PCDHGA3: variants seen among roughly 807,000 people sequenced by gnomAD.
PCDHGA3 encodes protocadherin gamma subfamily A, 3.
A neutral mutation model predicts 58.5 loss-of-function variants in PCDHGA3; 40 were observed. The ratio of observed to expected loss-of-function variants is 0.68; its 90% confidence interval spans 0.53 to 0.89. PCDHGA3 has a LOEUF of 0.89. PCDHGA3 is among the 40% of genes least tolerant of loss of function. The pLI is 0.00. For synonymous variants in PCDHGA3, 530 were observed against 525.7 expected (o/e 1.01, Z -0.11); for missense variants, 1,223 against 1,195.9 (o/e 1.02, Z -0.33).
rs150692324 is a variant in PCDHGA3 at position 141,431,149 on chromosome 5, G to T, written c.2425-63658G>T. 1.2e-6 allele frequency: 2 copies of T among 1,614,210 alleles called. No homozygotes were observed. Among genetic ancestry groups the T allele is most frequent in the Non-Finnish European group, 1.7e-6 (2 of 1,180,020 alleles). ...AAGTAAGGGACATTAACGACAATGC[G>T]CCTTACTTTCGTGAAAGTGAATTAG... On this transcript the variant is annotated intron_variant, in intron 1 of 3. Coordinates refer to ENST00000253812, the MANE Select transcript of PCDHGA3 (RefSeq NM_018916.4). This position sits in a 1 kb window ranked among gnomAD's most constrained non-coding sequence, Gnocchi z 4.8.
intron 2 of PCDHGA3, among the ~76,000 whole-genome samples, chr5:141,499,573 A>AT (rs2099792803): frequency 1.3e-5 from 2 of 152,108 alleles, no homozygotes; most frequent in Non-Finnish European, 2.9e-5. Context: ...AGCTTCAACT[A>AT]ATGCCTTATC....
intron 1 of PCDHGA3, chr5:141,374,129 C>A: frequency 6.2e-7 from 1 of 1,603,566 alleles, no homozygotes; most frequent in South Asian, 1.1e-5. Flanking sequence ...GCAGGTCCTG[C>A]TCCTCACGCT....
chr5:141,394,466 C>G lies in PCDHGA3; in HGVS notation c.2424+48009C>G, dbSNP rs765078363. 3.7e-6 allele frequency: 6 copies of G among 1,614,222 alleles called. 1 individual carries two copies. Among genetic ancestry groups the G allele is most frequent in the East Asian group, 4.5e-5 (2 of 44,878 alleles). On this transcript the variant is annotated intron_variant, in intron 1 of 3. Transcript: ENST00000253812. The stretch of plus-strand genomic sequence containing the variant: ...GCAGCAACATGTCACTGAGCCTGTT[C>G]GTGCTGGACCAGAATGACAACGCGC...
rs1163353349 is a variant in PCDHGA3, at chr5:141,489,426, G to C, written c.2425-5381G>C. 6.2e-7 allele frequency: 1 copy of C among 1,614,012 alleles called. No homozygotes were observed. The highest frequency in any genetic ancestry group is 1.3e-5 in the African/African-American group (1 of 74,922). ...TAAAGATGACAGATCTGTTGAGCCGGCGGCTGCAATTGGGCTCTGAGGAGA... is the reference window on the plus strand; with the variant it reads ...TAAAGATGACAGATCTGTTGAGCCGCCGGCTGCAATTGGGCTCTGAGGAGA... On this transcript the variant is annotated intron_variant, in intron 1 of 3. Transcript: ENST00000253812. The surrounding 1 kb of genome is among the most constrained non-coding windows in gnomAD (Gnocchi z 4.5).
chr5:141,464,519 A>G (rs974292961), intron 1 of PCDHGA3, among the ~76,000 whole-genome samples: 21 of 152,058 alleles, frequency 1.4e-4, no homozygotes, highest in African/African-American at 4.1e-4. Context: ...AGGTAAAGGC[A>G]TATGTAGTTT....
At chr5:141,400,557 ACC>A in intron 1 of PCDHGA3, 5 of 1,613,254 alleles carry the variant, frequency 3.1e-6, no homozygotes, top group Non-Finnish European at 3.4e-6. Context: ...CTTTTTCATT[ACC>A]CACCCAATTT....
At chr5:141,502,925 C>T (rs962871271) in intron 2 of PCDHGA3, among the ~76,000 whole-genome samples, 5 of 145,518 alleles carry the variant, frequency 3.4e-5, no homozygotes, top group Non-Finnish European at 5.9e-5. Flanking sequence ...GCAGTGGCAA[C>T]CTTCACCTCC....
At chr5:141,360,929 C>G (rs1415518653) in intron 1 of PCDHGA3, 13 of 1,613,914 alleles carry the variant, frequency 8.1e-6, no homozygotes, top group East Asian at 6.7e-5. Flanking sequence ...CTTCAAGTGA[C>G]AGCCACCGAC....
chr5:141,421,374 C>T, intron 1 of PCDHGA3: 1 of 1,614,062 alleles, frequency 6.2e-7, no homozygotes, highest in Non-Finnish European at 8.5e-7. Flanking sequence ...TGGGCAATAT[C>T]TCCAAGGACC....
chr5:141,463,438 CTTTTTTTTTT>C (rs71576115), intron 1 of PCDHGA3, among the ~76,000 whole-genome samples: 6 of 103,254 alleles, frequency 5.8e-5, no homozygotes, highest in Non-Finnish European at 9.4e-5. Flanking sequence ...TTTCCTTCTC[CTTTTTTTTTT>C]TTTTTTTTTT....
intron 1 of PCDHGA3, among the ~76,000 whole-genome samples, chr5:141,446,746 C>T (rs1413869259): frequency 6.6e-6 from 1 of 152,170 alleles, no homozygotes; most frequent in Non-Finnish European, 1.5e-5. Context: ...GGATTACAGG[C>T]GTGAGCCACC....
At position 141,486,691 on chromosome 5, in the gene PCDHGA3, T is replaced by C. The variant is rs778748447; in HGVS notation, c.2425-8116T>C. 8 of 1,614,024 alleles carry C rather than the reference T, an allele frequency of 5.0e-6. No individual in the cohort carries two copies. The highest frequency in any genetic ancestry group is 1.3e-5 in the African/African-American group (1 of 74,922). The stretch of plus-strand genomic sequence containing the variant: ...GGAATCGAGATGTATCAGCTTCCTC[T>C]TTCATCTCTCTGAACCCCCAGACAG... On this transcript the variant is annotated intron_variant, in intron 1 of 3. Coordinates refer to ENST00000253812, the MANE Select transcript of PCDHGA3 (RefSeq NM_018916.4). The surrounding 1 kb of genome is among the most constrained non-coding windows in gnomAD (Gnocchi z 5.0).
In PCDHGA3 at chr5:141,365,555, G is replaced by T. The variant is rs766239362; in HGVS notation, c.2424+19098G>T. ...TTACTATCACCTATTAACAACTAGG[G>T]ACCTGGACAGAGAAGAGACTTCAGA... On this transcript the variant is annotated intron_variant, in intron 1 of 3. Transcript: ENST00000253812. The T allele has an allele frequency of 4.3e-5, 70 of 1,613,524 alleles. No individual in the cohort carries two copies. The Admixed American group carries it at 5.7e-4, about 13-fold the overall frequency.
intron 1 of PCDHGA3, chr5:141,352,086 A>T: frequency 6.2e-7 from 1 of 1,605,322 alleles, no homozygotes; most frequent in Non-Finnish European, 8.5e-7. Context: ...CAGGCCAGCG[A>T]GCCCGGGCTC....
rs576761049 is a variant in PCDHGA3, at chr5:141,372,029, C to T, written c.2424+25572C>T. On this transcript the variant is annotated intron_variant, in intron 1 of 3. Transcript: ENST00000253812. ...AGGGCTCGCCTACGCTCAGCGCCAACGTGAGCCTGCGCGTGTTGGTGGACG... is the reference window on the plus strand; with the variant it reads ...AGGGCTCGCCTACGCTCAGCGCCAATGTGAGCCTGCGCGTGTTGGTGGACG... The T allele has an allele frequency of 2.7e-5, 43 of 1,613,442 alleles. No individual in the cohort carries two copies. The African/African-American group carries it at 4.3e-4, about 16-fold the overall frequency.
chr5:141,362,794 C>T (rs865957377), intron 1 of PCDHGA3, among the ~76,000 whole-genome samples: 2 of 152,246 alleles, frequency 1.3e-5, no homozygotes, highest in African/African-American at 4.8e-5. Context: ...TTTTCTTCCT[C>T]ATCTTTACAT....
chr5:141,429,896 A>G (rs1307950556), intron 1 of PCDHGA3, among the ~76,000 whole-genome samples: 1 of 152,346 alleles, frequency 6.6e-6, no homozygotes, highest in South Asian at 2.1e-4. Flanking sequence ...TGAACAATAA[A>G]TATTTTTGAA....
chr5:141,503,209 C>T (rs963237902), intron 2 of PCDHGA3, among the ~76,000 whole-genome samples: 3 of 152,020 alleles, frequency 2.0e-5, no homozygotes, highest in African/African-American at 7.3e-5. Context: ...TCTCAGTGCC[C>T]ACCATGAGCA....
chr5:141,432,069 A>T lies in PCDHGA3; in HGVS notation c.2425-62738A>T. ...ACCCCGCCCCTATCCACGGAAACTC[A>T]TATCTCGCTGAACGTGGCAGACACC... is the stretch of plus-strand genomic sequence containing the variant. On this transcript the variant is annotated intron_variant, in intron 1 of 3. Coordinates refer to ENST00000253812, the MANE Select transcript of PCDHGA3 (RefSeq NM_018916.4). This position sits in a 1 kb window ranked among gnomAD's most constrained non-coding sequence, Gnocchi z 6.0. The T allele has an allele frequency of 6.2e-7, 1 of 1,614,168 alleles. No homozygotes were observed. The highest frequency in any genetic ancestry group is 8.5e-7 in the Non-Finnish European group (1 of 1,180,038).
Sources: gnomAD v4.1 joint callset for allele counts (sites outside exome capture counted in the v4.1 genomes callset) on GRCh38, gnomAD v4.1.1 for gene constraint, Gnocchi (gnomAD v3.1) non-coding constraint, MANE v1.5 for transcripts, NCBI Gene and HGNC (gene_info 2026-07-23, HGNC 2026-07-21) for gene names.